Variants in TYW5 observed in about 807,000 individuals in gnomAD.
TYW5 encodes tRNA-yW synthesizing protein 5.
In TYW5, 36 loss-of-function variants were observed where a neutral mutation model predicts 44.4. The ratio of observed to expected loss-of-function variants is 0.81; its 90% CI spans 0.62 to 1.07. The LOEUF (loss-of-function observed/expected upper bound fraction) is 1.07. TYW5 is among the 50% of genes least tolerant of loss of function. The probability of loss-of-function intolerance (pLI) is 0.00; values close to 1 mark genes in which losing one functional copy is unlikely to be tolerated. For synonymous variants in TYW5, 121 were observed against 128.1 expected (o/e 0.94, Z 0.37); for missense variants, 354 against 365.7 (o/e 0.97, Z 0.26).
At position 199,943,903 on chromosome 2, in the gene TYW5, T is replaced by C. The variant is rs138499436; in HGVS notation, c.234-69A>G. 1.7e-3 allele frequency: 1,990 copies of C among 1,142,136 alleles called. 20 individuals are homozygous for C. The African/African-American group carries it at 0.027, about 16-fold the overall frequency. The allele number at this position is 1,142,136 out of a possible 1,614,324, so 70.8% of individuals were successfully genotyped here. ...TCAACTAGTAAGAATCTAATCACTA[T>C]ACATAAAGGCTTGCTGGAGTTGGAT... On this transcript the variant is annotated intron_variant, in intron 2 of 7. Transcript: ENST00000354611.
At chr2:199,945,106 G>C (rs1023472791) in intron 2 of TYW5, 2 of 152,170 alleles carry the variant, frequency 1.3e-5, no homozygotes, top group Non-Finnish European at 2.9e-5. Flanking sequence ...ATGGCCCTTG[G>C]AGGAACGCAG....
At chr2:199,941,962 T>A (rs1368174463) in intron 3 of TYW5, 1 of 152,302 alleles carries the variant, frequency 6.6e-6, no homozygotes, top group African/African-American at 2.4e-5. Flanking sequence ...GCAGAGACTG[T>A]CAGATCTGTA....
chr2:199,943,026 T>C (rs1026242614), intron 3 of TYW5: 3 of 152,140 alleles, frequency 2.0e-5, no homozygotes, highest in African/African-American at 4.8e-5. Context: ...CCAGCTAATT[T>C]TGTATTTTTA....
intron 4 of TYW5, 110 bp downstream of exon 4, chr2:199,939,979 G>C: frequency 9.7e-7 from 1 of 1,031,046 alleles, no homozygotes; most frequent in Non-Finnish European, 1.5e-6. Context: ...AATGGAAAAG[G>C]ATAGAACAGG....
Position 199,933,136 on chromosome 2 carries a change from A to C in TYW5, c.879T>G (p.Tyr293Ter), listed in dbSNP as rs1467282195. 1 of 1,614,116 alleles carries C rather than the reference A, an allele frequency of 6.2e-7. No individual in the cohort carries two copies. The highest frequency in any genetic ancestry group is 8.5e-7 in the Non-Finnish European group (1 of 1,180,014). ...CCATTCGTCGTGCATAGAAGTCCCT[A>C]TATTCCTCTGGTAACTCGGCCAGTG... is the stretch of plus-strand genomic sequence containing the variant. ...LKTLAELPEEYRDFYARRMVL... is the reference protein window; with the variant it reads ...LKTLAELPEE Residue 293 changes from tyrosine (Y) to a stop codon, truncating the protein, a stop_gained, in exon 8 of 8, where the codon TAT becomes TAG. Transcript: ENST00000354611. LOFTEE classifies it high-confidence loss of function.
intron 2 of TYW5, chr2:199,946,617 A>T (rs922865620): frequency 6.6e-5 from 10 of 152,236 alleles, no homozygotes; most frequent in Admixed American, 5.9e-4. Flanking sequence ...TAACGTATCA[A>T]TCTTCCAATG....
chr2:199,950,236 C>A (rs189654441), intron 1 of TYW5, among the ~76,000 whole-genome samples: 106 of 152,216 alleles, frequency 7.0e-4, no homozygotes, highest in African/African-American at 2.4e-3. Flanking sequence ...AACAGGTGTA[C>A]GTATGAACCA....
At chr2:199,943,900 CTA>C (rs1306270929) in intron 2 of TYW5, 66 bp from the exon 3 acceptor site, 4 of 1,226,814 alleles carry the variant, frequency 3.3e-6, no homozygotes, top group Non-Finnish European at 4.6e-6. Context: ...AATCTAATCA[CTA>C]TACATAAAGG....
Position 199,930,163 on chromosome 2 carries a change from GAC to G in TYW5, c.*2902_*2903del, listed in dbSNP as rs2077364742. On this transcript the variant is annotated 3_prime_UTR_variant, in exon 8 of 8. Transcript: ENST00000354611. ...GCTAATTCTCTGTATTTTTGGTAGA[GAC>G]AAGGTTTCGCCATGTTGCCCAGGCT... 6.6e-6 allele frequency: 1 copy of G among 151,860 alleles called. No individual in the cohort carries two copies. Among genetic ancestry groups the G allele is most frequent in the African/African-American group, 2.4e-5 (1 of 41,268 alleles). The allele number at this position is 151,860 out of a possible 1,614,324, so 9.4% of individuals were successfully genotyped here.
chr2:199,951,963 G>C (rs1386254157), intron 1 of TYW5, among the ~76,000 whole-genome samples: 1 of 151,622 alleles, frequency 6.6e-6, no homozygotes, highest in African/African-American at 2.4e-5. Context: ...CTTGCAGTGA[G>C]CTGAGATCGT....
chr2:199,944,021 TG>T, intron 2 of TYW5, 187 bp from the exon 3 acceptor site: 1 of 460,438 alleles, frequency 2.2e-6, no homozygotes, highest in Non-Finnish European at 3.8e-6. Flanking sequence ...TATGTTTACT[TG>T]ATCTAAGTTG....
Position 199,940,130 on chromosome 2 carries a change from C to G in TYW5, c.307G>C (p.Glu103Gln), listed in dbSNP as rs776265656. The G allele has an allele frequency of 1.6e-5, 26 of 1,612,094 alleles. No homozygotes were observed. The highest frequency in any genetic ancestry group is 2.2e-5 in the Non-Finnish European group (26 of 1,179,268). ...CCAAGTGACCGTAAGTAGTATTTCT[C>G]ATCCTTAAACACCCCAGAGAAAAAT... Reference protein sequence around the residue: ...KHKEFFVSEDEKYYLRSLGED... With the variant: ...KHKEFFVSEDQKYYLRSLGED... The change falls in exon 4 of 8, where the codon GAG becomes CAG. Residue 103 changes from glutamate to glutamine, a missense_variant. Physicochemically the swap from Glu to Gln is conservative, Grantham distance 29. Coordinates refer to ENST00000354611, the MANE Select transcript of TYW5 (RefSeq NM_001039693.3).
intron 7 of TYW5, among the ~76,000 whole-genome samples, 156 bp downstream of exon 7, chr2:199,935,775 C>T (rs191773922): frequency 4.2e-5 from 6 of 143,442 alleles, no homozygotes; most frequent in African/African-American, 1.5e-4. Context: ...CATACACACA[C>T]ACGCACACAC....
Position 199,936,485 on chromosome 2 carries a change from T to G in TYW5, c.494A>C (p.Asp165Ala), listed in dbSNP as rs200179827. The G allele has an allele frequency of 1.9e-6, 3 of 1,612,706 alleles. No individual in the cohort carries two copies. The highest frequency in any genetic ancestry group is 2.5e-6 in the Non-Finnish European group (3 of 1,179,332). ...LQLWTHYDVMDNLLIQVTGKK... is the reference protein window; with the variant it reads ...LQLWTHYDVMANLLIQVTGKK... ...TCCTGTCACTTGTATTAACAAATTA[T>G]CCATTACCTGAAGACCAATAAAAGC... The change falls in exon 6 of 8, where the codon GAT (aspartate) becomes GCT (alanine). Residue 165 changes from aspartate to alanine, a missense_variant. By Grantham distance (126) the Asp-to-Ala change is moderately radical. Coordinates refer to ENST00000354611, the MANE Select transcript of TYW5 (RefSeq NM_001039693.3).
At chr2:199,937,425 G>A (rs1356288413) in intron 5 of TYW5, among the ~76,000 whole-genome samples, 2 of 151,876 alleles carry the variant, frequency 1.3e-5, no homozygotes, top group Non-Finnish European at 2.9e-5. Context: ...TACTTTGGGA[G>A]GTCGAGGTGG....
At position 199,948,457 on chromosome 2, in the gene TYW5, A is replaced by C; in HGVS notation, c.94T>G (p.Leu32Val). ...CATGGCCCCAAATCAATCCCTTCCA[A>C]CACAAGAGGTTTTCTCTGTAAGTGG... ...HLYPQRKPLV[L>V]EGIDLGPCTS... The change falls in exon 2 of 8, where the codon TTG becomes GTG. Residue 32 changes from leucine (L) to valine (V), a missense_variant. By Grantham distance (32) the Leu-to-Val change is conservative. Transcript: ENST00000354611. The C allele has an allele frequency of 6.2e-7, 1 of 1,613,996 alleles. No individual in the cohort carries two copies.
In TYW5 at chr2:199,934,196, A is replaced by C. The variant is rs111389421; in HGVS notation, c.692-873T>G. Among the ~76,000 whole-genome samples the C allele has an allele frequency of 9.7e-3, 1,477 of 152,236 alleles. 9 individuals are homozygous for C. Among genetic ancestry groups the C allele is most frequent in the Non-Finnish European group, 0.016 (1,064 of 67,934 alleles). On this transcript the variant is annotated intron_variant, in intron 7 of 7. Transcript: ENST00000354611. Reference sequence around the variant, plus strand: ...ATTTTGATTTGGAAAACTAATTTTCAAACATGGTTTTAATCTTAACTACAC... The same window carrying C: ...ATTTTGATTTGGAAAACTAATTTTCCAACATGGTTTTAATCTTAACTACAC...
chr2:199,943,627 T>C (rs191471211), intron 3 of TYW5, 138 bp downstream of exon 3: 1 of 661,848 alleles, frequency 1.5e-6, no homozygotes, highest in East Asian at 2.9e-5. Flanking sequence ...AGCTACAGTC[T>C]GTGGTGCATC....
Position 199,936,244 on chromosome 2 carries a change from T to C in TYW5, c.574+161A>G, listed in dbSNP as rs930782564. ...CTTTAATTCTGATGACTGATACCCA[T>C]GTAATAAGATAATTTCAAATTTGAA... is the stretch of plus-strand genomic sequence containing the variant. On this transcript the variant is annotated intron_variant, in intron 6 of 7. Coordinates refer to ENST00000354611, the MANE Select transcript of TYW5 (RefSeq NM_001039693.3). Among the ~76,000 whole-genome samples, 3 of 152,204 alleles carry C rather than the reference T, an allele frequency of 2.0e-5. No individual in the cohort carries two copies. The East Asian group carries it at 5.8e-4, about 29-fold the overall frequency.
Sources: allele counts gnomAD v4.1 joint callset (sites outside exome capture counted in the v4.1 genomes callset), GRCh38; gene constraint gnomAD v4.1.1; transcripts MANE v1.5; gene names NCBI Gene and HGNC (gene_info 2026-07-23, HGNC 2026-07-21).